Variants in LHFPL2 observed in about 807,000 individuals in gnomAD.
LHFPL2 encodes LHFPL tetraspan subfamily member 2, also known as LHFPL tetraspan subfamily member 2 protein.
A neutral mutation model predicts 17.5 loss-of-function variants in LHFPL2; 7 were observed. The observed-to-expected ratio is 0.40, with a 90% CI of 0.23 to 0.75. The LOEUF (loss-of-function observed/expected upper bound fraction) is 0.75, where lower values mean the gene tolerates loss of function less well. Among genes scored for constraint, LHFPL2 ranks in the 30% least tolerant of loss-of-function variants. The probability of loss-of-function intolerance (pLI) is 0.37; values close to 1 mark genes in which losing one functional copy is unlikely to be tolerated. For synonymous variants in LHFPL2, 134 were observed against 116.2 expected, an observed-to-expected ratio of 1.15 and a Z score of -0.99; for missense variants, 241 against 294.8, an observed-to-expected ratio of 0.82 and a Z score of 1.34.
chr5:78,556,295 A>T (rs1756570442), intron 3 of LHFPL2, among the ~76,000 whole-genome samples: 1 of 152,256 alleles, frequency 6.6e-6, no homozygotes, highest in African/African-American at 2.4e-5. Flanking sequence ...TGTCACTATT[A>T]TCATAAATGA....
At position 78,598,164 on chromosome 5, in the gene LHFPL2, A is replaced by G. The variant is rs377333354; in HGVS notation, c.-244-33293T>C. 2.6e-5 allele frequency among the ~76,000 whole-genome samples: 4 copies of G among 152,380 alleles called. No homozygotes were observed. In the East Asian group the frequency reaches 7.7e-4, roughly 29 times the overall value. On this transcript the variant is annotated intron_variant, in intron 2 of 4. Transcript: ENST00000380345. The stretch of plus-strand genomic sequence containing the variant: ...TCACAGGAGCATGAAGGGATACTAC[A>G]GTTTTTTAAGGAAAGCATGGTGAAG...
chr5:78,490,823 A>G (rs548584938), intron 4 of LHFPL2, among the ~76,000 whole-genome samples: 121 of 152,042 alleles, frequency 8.0e-4, no homozygotes, highest in African/African-American at 2.8e-3. Context: ...AATTCAACCT[A>G]TGTAATCAAG....
chr5:78,500,024 GA>G (rs1031385394), intron 4 of LHFPL2, among the ~76,000 whole-genome samples: 18 of 66,144 alleles, frequency 2.7e-4, no homozygotes, highest in Admixed American at 9.0e-4. Context: ...GGACCAAAAG[GA>G]AAAAAAAAAA....
At chr5:78,514,932 C>G (rs538938829) in intron 3 of LHFPL2, among the ~76,000 whole-genome samples, 2 of 152,284 alleles carry the variant, frequency 1.3e-5, no homozygotes, top group African/African-American at 2.4e-5. Flanking sequence ...AACATTTTCC[C>G]GTATTTGTTC....
At chr5:78,634,828 C>G (rs150051702) in intron 1 of LHFPL2, among the ~76,000 whole-genome samples, 298 of 152,322 alleles carry the variant, frequency 2.0e-3, no homozygotes, top group African/African-American at 6.8e-3. Flanking sequence ...GGCTGTGTTC[C>G]CATCTTTCCT....
chr5:78,499,209 T>C (rs1754697751), intron 4 of LHFPL2, among the ~76,000 whole-genome samples: 1 of 152,218 alleles, frequency 6.6e-6, no homozygotes, highest in Admixed American at 6.5e-5. Flanking sequence ...ATTTATAATA[T>C]ACATTCACAA....
At chr5:78,601,982 TAA>T (rs1744034458) in intron 2 of LHFPL2, among the ~76,000 whole-genome samples, 1 of 152,102 alleles carries the variant, frequency 6.6e-6, no homozygotes, top group South Asian at 2.1e-4. Flanking sequence ...TAAAGACTTT[TAA>T]AAAACTGTAT....
chr5:78,631,935 C>CA (rs35424661), intron 2 of LHFPL2, among the ~76,000 whole-genome samples: 42,307 of 104,074 alleles, frequency 0.41, 7,090 homozygotes, highest in Middle Eastern at 0.47. Flanking sequence ...GACTCCATCT[C>CA]AAAAAAAAAA....
At chr5:78,522,399 T>C (rs977529185) in intron 3 of LHFPL2, among the ~76,000 whole-genome samples, 3 of 152,144 alleles carry the variant, frequency 2.0e-5, no homozygotes, top group African/African-American at 7.2e-5. Flanking sequence ...GATCACGCAT[T>C]GCGCTTCAGC....
intron 4 of LHFPL2, chr5:78,494,641 G>T: frequency 2.7e-6 from 1 of 366,662 alleles, no homozygotes; most frequent in Non-Finnish European, 3.7e-6. Flanking sequence ...GATGGTCATG[G>T]TATTGTATTG....
At chr5:78,489,265 CA>C in intron 4 of LHFPL2, 112 bp from the exon 5 acceptor site, 1 of 1,176,506 alleles carries the variant, frequency 8.5e-7, no homozygotes, top group Non-Finnish European at 1.2e-6. Context: ...ATCTATTCTG[CA>C]ATAGAAAGTG....
chr5:78,536,927 G>A (rs570887031), intron 3 of LHFPL2, among the ~76,000 whole-genome samples: 8 of 152,246 alleles, frequency 5.3e-5, no homozygotes, highest in South Asian at 2.1e-4. Flanking sequence ...TTGTGTGTCC[G>A]CCTTCAGTCT....
chr5:78,516,916 C>A (rs1450810090), intron 3 of LHFPL2, among the ~76,000 whole-genome samples: 1 of 152,150 alleles, frequency 6.6e-6, no homozygotes, highest in Non-Finnish European at 1.5e-5. Flanking sequence ...AAATGGGGCT[C>A]CCCATTCATT....
chr5:78,595,050 T>A (rs1743775013), intron 2 of LHFPL2, among the ~76,000 whole-genome samples: 1 of 152,158 alleles, frequency 6.6e-6, no homozygotes, highest in Non-Finnish European at 1.5e-5. Flanking sequence ...CCCTGTGTGT[T>A]TCGAATTCAC....
At chr5:78,615,227 G>A (rs1255414115) in intron 2 of LHFPL2, among the ~76,000 whole-genome samples, 2 of 152,086 alleles carry the variant, frequency 1.3e-5, no homozygotes, top group African/African-American at 2.4e-5. Context: ...GAGAGGAGAC[G>A]GGAGAAGCGA....
At chr5:78,642,417 C>G (rs1451205286) in intron 1 of LHFPL2, among the ~76,000 whole-genome samples, 1 of 152,160 alleles carries the variant, frequency 6.6e-6, no homozygotes, top group Non-Finnish European at 1.5e-5. Flanking sequence ...TTTAAAATAA[C>G]AAGCAGAACT....
At chr5:78,621,278 T>C (rs1390690716) in intron 2 of LHFPL2, among the ~76,000 whole-genome samples, 3 of 152,266 alleles carry the variant, frequency 2.0e-5, no homozygotes, top group South Asian at 4.2e-4. Context: ...AACCCCAAGT[T>C]AGAGAGTAAC....
At chr5:78,536,813 A>G (rs1755962202) in intron 3 of LHFPL2, among the ~76,000 whole-genome samples, 1 of 152,248 alleles carries the variant, frequency 6.6e-6, no homozygotes, top group African/African-American at 2.4e-5. Context: ...ACCACCATGC[A>G]GCAAAAACGT....
At chr5:78,647,795 C>G (rs1745937040) in intron 1 of LHFPL2, among the ~76,000 whole-genome samples, 1 of 151,638 alleles carries the variant, frequency 6.6e-6, no homozygotes, top group South Asian at 2.1e-4. Flanking sequence ...TTTCTAAGTT[C>G]GAAGAACACT....
Sources: allele counts gnomAD v4.1 joint callset (sites outside exome capture counted in the v4.1 genomes callset), GRCh38; gene constraint gnomAD v4.1.1; transcripts MANE v1.5; gene names NCBI Gene and HGNC (gene_info 2026-07-23, HGNC 2026-07-21).